Variants in NEDD4L observed in about 807,000 individuals in gnomAD.
NEDD4L encodes the protein E3 ubiquitin-protein ligase NEDD4-like.
In NEDD4L, 54 loss-of-function variants were observed where a neutral mutation model predicts 148.9. The observed-to-expected ratio is 0.36, with a 90% CI of 0.29 to 0.45. NEDD4L has a LOEUF of 0.45. Ranked by LOEUF, NEDD4L falls within the 20% of genes least tolerant of loss-of-function variation. The pLI, the probability that NEDD4L is intolerant of heterozygous loss-of-function variation, is 1.00. For synonymous variants in NEDD4L, 433 were observed against 440.7 expected (o/e 0.98, Z 0.22); for missense variants, 856 against 1,233.8 (o/e 0.69, Z 4.59).
rs534847708 is a variant in NEDD4L at position 58,051,129 on chromosome 18, G to A, written c.48+6421G>A. On this transcript the variant is annotated intron_variant, in intron 1 of 30. Coordinates refer to ENST00000400345, the MANE Select transcript of NEDD4L (RefSeq NM_001144967.3). The stretch of plus-strand genomic sequence containing the variant: ...AAAACTTAGTTGCGTGTTGTGGCAC[G>A]CACCTGTGGTCCTGGCTGCTGGGGA... Among the ~76,000 whole-genome samples, 9 of 152,272 alleles carry A rather than the reference G, an allele frequency of 5.9e-5. No individual in the cohort carries two copies. In the South Asian group the frequency reaches 1.5e-3, roughly 25 times the overall value.
intron 1 of NEDD4L, among the ~76,000 whole-genome samples, chr18:58,143,202 T>C (rs1478145285): frequency 2.0e-5 from 3 of 152,246 alleles, no homozygotes; most frequent in African/African-American, 4.8e-5. Flanking sequence ...ATGCACATCA[T>C]ATCCCTGTTC....
At chr18:58,224,756 G>C (rs969424395) in intron 2 of NEDD4L, among the ~76,000 whole-genome samples, 1 of 152,132 alleles carries the variant, frequency 6.6e-6, no homozygotes. Context: ...TGTCTCTTGT[G>C]CTAGACATTG....
At chr18:58,125,938 A>G (rs1297376716) in intron 1 of NEDD4L, among the ~76,000 whole-genome samples, 1 of 152,170 alleles carries the variant, frequency 6.6e-6, no homozygotes, top group Non-Finnish European at 1.5e-5. Context: ...AGGTCCCGCC[A>G]CCCGGGCATC....
rs374616695 is a variant in NEDD4L at position 58,342,828 on chromosome 18, TC to T, written c.1378-77del. The T allele has an allele frequency of 1.9e-4, 224 of 1,159,598 alleles. No individual in the cohort carries two copies. The African/African-American group carries it at 3.1e-3, about 16-fold the overall frequency. The allele number at this position is 1,159,598 out of a possible 1,614,324, so 71.8% of individuals were successfully genotyped here. On this transcript the variant is annotated intron_variant, in intron 15 of 30. Coordinates refer to ENST00000400345, the MANE Select transcript of NEDD4L (RefSeq NM_001144967.3). ...CTTGTCCATCTCCAAAGAGAAGCCT[TC>T]TGCAATACCCAGGTACATTTTGGCA...
At chr18:58,215,444 A>T (rs1024188295) in intron 2 of NEDD4L, among the ~76,000 whole-genome samples, 1 of 152,046 alleles carries the variant, frequency 6.6e-6, no homozygotes, top group Non-Finnish European at 1.5e-5. Flanking sequence ...CCTTCTGTCA[A>T]TTTTTCCTTT....
intron 5 of NEDD4L, among the ~76,000 whole-genome samples, chr18:58,308,630 T>G (rs1299136874): frequency 1.3e-5 from 2 of 152,236 alleles, no homozygotes; most frequent in Non-Finnish European, 2.9e-5. Context: ...ACAGGCAGCA[T>G]GGACTGTTGC....
chr18:58,297,136 A>G (rs2149203640), intron 5 of NEDD4L, among the ~76,000 whole-genome samples: 1 of 152,330 alleles, frequency 6.6e-6, no homozygotes, highest in Admixed American at 6.5e-5. Context: ...GACTGCATTT[A>G]GGGCCCAGAA....
chr18:58,105,280 T>G (rs2085001701), intron 1 of NEDD4L, among the ~76,000 whole-genome samples: 1 of 152,200 alleles, frequency 6.6e-6, no homozygotes, highest in Non-Finnish European at 1.5e-5. Flanking sequence ...CTGTTTCACT[T>G]GAGCTCATCG....
intron 5 of NEDD4L, among the ~76,000 whole-genome samples, chr18:58,280,737 A>G (rs1467163710): frequency 6.6e-6 from 1 of 152,144 alleles, no homozygotes; most frequent in Non-Finnish European, 1.5e-5. Flanking sequence ...TAAATACATT[A>G]TTTTTTGCTG....
At chr18:58,395,474 G>A (rs2050368450) in intron 30 of NEDD4L, among the ~76,000 whole-genome samples, 1 of 152,156 alleles carries the variant, frequency 6.6e-6, no homozygotes. Flanking sequence ...CTATTGCCAG[G>A]GCGATTTGCA....
At chr18:58,099,165 A>G (rs368588258) in intron 1 of NEDD4L, among the ~76,000 whole-genome samples, 3 of 151,674 alleles carry the variant, frequency 2.0e-5, no homozygotes, top group African/African-American at 7.3e-5. Context: ...GGTTATTTTG[A>G]CTTCCTTATA....
intron 1 of NEDD4L, among the ~76,000 whole-genome samples, chr18:58,152,077 T>G (rs2034845391): frequency 6.6e-6 from 1 of 151,214 alleles, no homozygotes; most frequent in African/African-American, 2.4e-5. Flanking sequence ...TTTCTTATTA[T>G]GAAGGCATTA....
chr18:58,215,842 G>A (rs1298408541), intron 2 of NEDD4L, among the ~76,000 whole-genome samples: 1 of 152,052 alleles, frequency 6.6e-6, no homozygotes, highest in East Asian at 1.9e-4. Flanking sequence ...CATAGATATA[G>A]TCTATTTTGG....
At chr18:58,142,005 AC>A (rs1241647154) in intron 1 of NEDD4L, among the ~76,000 whole-genome samples, 6 of 54,068 alleles carry the variant, frequency 1.1e-4, no homozygotes, top group East Asian at 6.0e-4. Context: ...TGTCTACCCC[AC>A]CCCCCCGACC....
At chr18:58,191,601 G>T (rs1286319744) in intron 2 of NEDD4L, among the ~76,000 whole-genome samples, 1 of 152,226 alleles carries the variant, frequency 6.6e-6, no homozygotes, top group Non-Finnish European at 1.5e-5. Context: ...TTATTGGTGA[G>T]ATAGTCTTCT....
At chr18:58,137,781 T>C (rs1599032700) in intron 1 of NEDD4L, among the ~76,000 whole-genome samples, 2 of 152,250 alleles carry the variant, frequency 1.3e-5, no homozygotes, top group African/African-American at 4.8e-5. Context: ...AGCTCCGTTT[T>C]CCGTGTTGAC....
At chr18:58,253,468 G>A (rs2048156249) in intron 5 of NEDD4L, among the ~76,000 whole-genome samples, 1 of 152,198 alleles carries the variant, frequency 6.6e-6, no homozygotes, top group Non-Finnish European at 1.5e-5. Flanking sequence ...CACTTTTGTT[G>A]TATGCATCAA....
chr18:58,176,891 G>A (rs916958873), intron 2 of NEDD4L, among the ~76,000 whole-genome samples: 1 of 152,166 alleles, frequency 6.6e-6, no homozygotes, highest in Non-Finnish European at 1.5e-5. Context: ...TTTAGGAAGC[G>A]GAAGGTGTCT....
At chr18:58,373,121 G>A in intron 23 of NEDD4L, 53 bp from the exon 24 acceptor site, 1 of 930,350 alleles carries the variant, frequency 1.1e-6, no homozygotes, top group Non-Finnish European at 1.7e-6. Flanking sequence ...AGTCAAATGA[G>A]TTTGTATTTT....
Sources: gnomAD v4.1 joint callset for allele counts (sites outside exome capture counted in the v4.1 genomes callset) on GRCh38, gnomAD v4.1.1 for gene constraint, MANE v1.5 for transcripts, NCBI Gene and HGNC (gene_info 2026-07-23, HGNC 2026-07-21) for gene names.